ARHGAP42: variants seen among roughly 807,000 people sequenced by gnomAD.
The protein encoded by ARHGAP42 is rho GTPase-activating protein 42.
A neutral mutation model predicts 125.0 loss-of-function variants in ARHGAP42; 63 were observed. The ratio of observed to expected loss-of-function variants is 0.50; its 90% CI spans 0.41 to 0.62. The LOEUF (loss-of-function observed/expected upper bound fraction) is 0.62. ARHGAP42 is among the 20% of genes least tolerant of loss of function. ARHGAP42 has a pLI of 0.00. For synonymous variants in ARHGAP42, 339 were observed against 351.0 expected, an observed-to-expected ratio of 0.97 and a Z score of 0.38; for missense variants, 766 against 1,024.2, an observed-to-expected ratio of 0.75 and a Z score of 3.44.
At chr11:100,802,058 C>G (rs545769129) in intron 3 of ARHGAP42, among the ~76,000 whole-genome samples, 7 of 152,166 alleles carry the variant, frequency 4.6e-5, no homozygotes, top group Non-Finnish European at 1.0e-4. Flanking sequence ...TGTGGTCAGA[C>G]TCAGACTACC....
intron 11 of ARHGAP42, among the ~76,000 whole-genome samples, chr11:100,949,507 G>A (rs926076244): frequency 2.6e-5 from 4 of 152,102 alleles, no homozygotes; most frequent in African/African-American, 9.7e-5. Flanking sequence ...CAAATTTAGG[G>A]AATAGTTTGT....
intron 4 of ARHGAP42, among the ~76,000 whole-genome samples, chr11:100,878,549 G>A (rs1716793433): frequency 6.6e-6 from 1 of 152,086 alleles, no homozygotes; most frequent in South Asian, 2.1e-4. Context: ...TTGTGGGTGA[G>A]GGAAAGGAAA....
rs191482279 is a variant in ARHGAP42 at position 100,891,811 on chromosome 11, G to A, written c.385-21641G>A. ...ATGTCTGTGCCATAGTAAATGCCGA[G>A]TTAGAGGTACACGTAGGTATGAAGT... On this transcript the variant is annotated intron_variant, in intron 4 of 23. Transcript: ENST00000298815. 1.3e-3 allele frequency among the ~76,000 whole-genome samples: 201 copies of A among 152,218 alleles called. 6 individuals carry two copies. Among genetic ancestry groups the A allele is most frequent in the Admixed American group, 0.013 (191 of 15,272 alleles).
chr11:100,748,873 T>G (rs940992753), intron 1 of ARHGAP42, among the ~76,000 whole-genome samples: 11 of 152,218 alleles, frequency 7.2e-5, no homozygotes, highest in African/African-American at 2.7e-4. Flanking sequence ...AAATTTACCC[T>G]GGCTTTTAAA....
At chr11:100,782,992 A>T (rs1863350650) in intron 2 of ARHGAP42, among the ~76,000 whole-genome samples, 1 of 152,218 alleles carries the variant, frequency 6.6e-6, no homozygotes, top group African/African-American at 2.4e-5. Flanking sequence ...CTAGCATCAC[A>T]ATCAACTGTG....
At position 100,700,187 on chromosome 11, in the gene ARHGAP42, A is replaced by G. The variant is rs141270033; in HGVS notation, c.154+12355A>G. Among the ~76,000 whole-genome samples, 349 of 152,310 alleles carry G rather than the reference A, an allele frequency of 2.3e-3. 3 individuals are homozygous for G. The highest frequency in any genetic ancestry group is 8.0e-3 in the African/African-American group (334 of 41,574). ...CATAGTCTATTAAATGTGCAATAGC[A>G]TTGTGTTTAAAAAATGTGCAGACCT... On this transcript the variant is annotated intron_variant, in intron 1 of 23. Coordinates refer to ENST00000298815, the MANE Select transcript of ARHGAP42 (RefSeq NM_152432.4).
chr11:100,894,531 T>A (rs1379735766), intron 4 of ARHGAP42, among the ~76,000 whole-genome samples: 2 of 152,198 alleles, frequency 1.3e-5, no homozygotes, highest in African/African-American at 4.8e-5. Flanking sequence ...TCATTAAGTT[T>A]GTGGACTAAG....
chr11:100,802,995 T>C (rs1287314101), intron 3 of ARHGAP42, among the ~76,000 whole-genome samples: 3 of 152,190 alleles, frequency 2.0e-5, no homozygotes, highest in African/African-American at 7.2e-5. Flanking sequence ...ATACCTGCGC[T>C]CATGAAGCTT....
intron 7 of ARHGAP42, 124 bp from the exon 8 acceptor site, chr11:100,936,079 C>T: frequency 8.3e-7 from 1 of 1,207,888 alleles, no homozygotes; most frequent in Non-Finnish European, 1.2e-6. Flanking sequence ...GCCATAATTG[C>T]ACCTGGTTGA....
rs114180973 is a variant in ARHGAP42 at position 100,909,586 on chromosome 11, C to T, written c.385-3866C>T. Among the ~76,000 whole-genome samples the T allele has an allele frequency of 7.0e-3, 1,065 of 152,216 alleles. 12 individuals carry two copies. The highest frequency in any genetic ancestry group is 0.024 in the African/African-American group (1,014 of 41,546). On this transcript the variant is annotated intron_variant, in intron 4 of 23. Coordinates refer to ENST00000298815, the MANE Select transcript of ARHGAP42 (RefSeq NM_152432.4). ...CTCGAACTCCTGACCTCGGACGATCCATCTCCCAAAGTGCTGGGATTACAG... is the reference window on the plus strand; with the variant it reads ...CTCGAACTCCTGACCTCGGACGATCTATCTCCCAAAGTGCTGGGATTACAG...
At chr11:100,859,764 T>C (rs1865401391) in intron 4 of ARHGAP42, 139 bp downstream of exon 4, 2 of 586,750 alleles carry the variant, frequency 3.4e-6, no homozygotes, top group African/African-American at 3.9e-5. Flanking sequence ...GCATAGAGAC[T>C]TAACAAAGAC....
At position 100,688,345 on chromosome 11, in the gene ARHGAP42, A is replaced by G. The variant is rs994652644; in HGVS notation, c.154+513A>G. The stretch of plus-strand genomic sequence containing the variant: ...ACATTTGCAGTTTTGCCATTTTGTA[A>G]GATAATGGAAGACAGCAAGGCACCA... On this transcript the variant is annotated intron_variant, in intron 1 of 23. Transcript: ENST00000298815. Among the ~76,000 whole-genome samples, 28 of 152,160 alleles carry G rather than the reference A, an allele frequency of 1.8e-4. 2 individuals are homozygous for G. Among genetic ancestry groups the G allele is most frequent in the African/African-American group, 6.5e-4 (27 of 41,426 alleles).
In ARHGAP42 at chr11:100,992,021, C is replaced by A; in HGVS notation, c.*3220C>A. 3.0e-6 allele frequency: 1 copy of A among 329,820 alleles called. No individual in the cohort carries two copies. Among genetic ancestry groups the A allele is most frequent in the African/African-American group, 2.1e-5 (1 of 47,502 alleles). 20.4% of individuals were successfully genotyped at this position (329,820 alleles called of 1,614,324 possible). A position where few individuals can be genotyped will look rare whatever the true frequency, so the allele number is the denominator to read the frequency against. On this transcript the variant is annotated 3_prime_UTR_variant, in exon 24 of 24. Transcript: ENST00000298815. ...TGTTGTGAGGCAAACAGATTTCTCACTATCATCCAGTGTACCCTGCTCACC... is the reference window on the plus strand; with the variant it reads ...TGTTGTGAGGCAAACAGATTTCTCAATATCATCCAGTGTACCCTGCTCACC...
intron 21 of ARHGAP42, among the ~76,000 whole-genome samples, chr11:100,977,354 C>T (rs1171088006): frequency 2.0e-5 from 3 of 152,220 alleles, no homozygotes; most frequent in Non-Finnish European, 4.4e-5. Flanking sequence ...CAGGTCCCTG[C>T]TCTCCTCACT....
chr11:100,830,200 A>T (rs1224218414), intron 3 of ARHGAP42, among the ~76,000 whole-genome samples: 3 of 152,222 alleles, frequency 2.0e-5, no homozygotes, highest in Non-Finnish European at 2.9e-5. Flanking sequence ...ACCAGGAGGA[A>T]TATATTTCCC....
At chr11:100,887,883 G>T (rs1866129599) in intron 4 of ARHGAP42, among the ~76,000 whole-genome samples, 2 of 152,160 alleles carry the variant, frequency 1.3e-5, no homozygotes, top group South Asian at 4.1e-4. Context: ...ATTCTCACAG[G>T]CAGTGCTAGC....
At chr11:100,869,720 T>C (rs1419923210) in intron 4 of ARHGAP42, among the ~76,000 whole-genome samples, 2 of 152,184 alleles carry the variant, frequency 1.3e-5, no homozygotes, top group Non-Finnish European at 2.9e-5. Context: ...ATATATTAAA[T>C]GTATGCATAC....
At chr11:100,701,824 A>AT (rs912358275) in intron 1 of ARHGAP42, among the ~76,000 whole-genome samples, 102 of 149,318 alleles carry the variant, frequency 6.8e-4, no homozygotes, top group Admixed American at 1.5e-3. Context: ...CTGAAGTAGC[A>AT]TTTTTTTTTT....
At chr11:100,946,566 T>G (rs1272125214) in intron 10 of ARHGAP42, among the ~76,000 whole-genome samples, 4 of 152,140 alleles carry the variant, frequency 2.6e-5, no homozygotes, top group Non-Finnish European at 5.9e-5. Context: ...TTGGACTAAT[T>G]TTAATATTGT....
Sources: allele counts gnomAD v4.1 joint callset (sites outside exome capture counted in the v4.1 genomes callset), GRCh38; gene constraint gnomAD v4.1.1; transcripts MANE v1.5; gene names NCBI Gene and HGNC (gene_info 2026-07-23, HGNC 2026-07-21).